Variants in HPSE2 observed in about 807,000 individuals in gnomAD.
HPSE2 encodes the protein inactive heparanase-2.
Under a neutral mutation model 60.5 loss-of-function variants are expected in HPSE2, and 38 were observed. The observed-to-expected ratio is 0.63, with a 90% CI of 0.48 to 0.82. The LOEUF (loss-of-function observed/expected upper bound fraction) is 0.82. Among genes scored for constraint, HPSE2 ranks in the 40% least tolerant of loss-of-function variants. HPSE2 has a pLI of 0.00. For synonymous variants in HPSE2, 295 were observed against 293.2 expected (o/e 1.01, Z -0.06); for missense variants, 713 against 740.4 (o/e 0.96, Z 0.43).
intron 3 of HPSE2, among the ~76,000 whole-genome samples, chr10:98,894,605 T>C (rs535962490): frequency 2.6e-5 from 4 of 151,530 alleles, no homozygotes; most frequent in East Asian, 1.9e-4. Flanking sequence ...GTCAAAGATA[T>C]AGAAAATATG....
chr10:98,665,609 C>T (rs145757912), intron 6 of HPSE2, among the ~76,000 whole-genome samples: 55 of 152,318 alleles, frequency 3.6e-4, no homozygotes, highest in African/African-American at 1.2e-3. Flanking sequence ...ACTTACAAGC[C>T]AGAAGAGATT....
chr10:98,610,174 T>C (rs1483238149), intron 9 of HPSE2, among the ~76,000 whole-genome samples: 2 of 152,122 alleles, frequency 1.3e-5, no homozygotes, highest in African/African-American at 2.4e-5. Flanking sequence ...CCAGCATCAA[T>C]GGAACATGGG....
At chr10:99,020,059 T>G (rs932162250) in intron 3 of HPSE2, among the ~76,000 whole-genome samples, 1 of 152,074 alleles carries the variant, frequency 6.6e-6, no homozygotes, top group African/African-American at 2.4e-5. Context: ...AACTTTCCCT[T>G]TATTTATATA....
At chr10:98,484,185 TTCCTTCCTTCCTTCCTTCTTTTTCTG>T (rs1941352783) in intron 10 of HPSE2, among the ~76,000 whole-genome samples, 1 of 151,968 alleles carries the variant, frequency 6.6e-6, no homozygotes, top group Non-Finnish European at 1.5e-5. Flanking sequence ...CCTTCCTTTC[TTCCTTCCTTCCTTCCTTCTTTTTCTG>T]TCCTTCCTTC....
chr10:98,872,882 A>C (rs147182171), intron 3 of HPSE2, among the ~76,000 whole-genome samples: 1 of 152,278 alleles, frequency 6.6e-6, no homozygotes, highest in East Asian at 1.9e-4. Context: ...GTATGAATAA[A>C]CTTATGAATA....
chr10:98,835,225 G>A (rs1951765423), intron 3 of HPSE2, among the ~76,000 whole-genome samples: 1 of 152,146 alleles, frequency 6.6e-6, no homozygotes, highest in African/African-American at 2.4e-5. Context: ...CAACATATTA[G>A]TAAGTACCTA....
At chr10:99,174,952 G>A (rs1037340571) in intron 2 of HPSE2, among the ~76,000 whole-genome samples, 2 of 152,182 alleles carry the variant, frequency 1.3e-5, no homozygotes, top group Non-Finnish European at 2.9e-5. Context: ...AGTGGGTGCA[G>A]CCCATGGAAG....
intron 3 of HPSE2, among the ~76,000 whole-genome samples, chr10:98,928,617 A>T (rs1954549660): frequency 8.1e-6 from 1 of 124,068 alleles, no homozygotes; most frequent in Non-Finnish European, 1.6e-5. Context: ...AGACTGGATT[A>T]AGAAAATGTG....
At chr10:99,301,270 T>G in the HPSE2 span, among the ~76,000 whole-genome samples, 1 of 152,190 alleles carries the variant, frequency 6.6e-6, no homozygotes, top group East Asian at 1.9e-4. Flanking sequence ...GGAACTACAG[T>G]AAACTAATGG....
At chr10:99,158,675 A>T (rs1181859005) in intron 2 of HPSE2, among the ~76,000 whole-genome samples, 1 of 149,446 alleles carries the variant, frequency 6.7e-6, no homozygotes, top group East Asian at 2.0e-4. Flanking sequence ...GCAGCGCACC[A>T]GCATGGCACA....
intron 11 of HPSE2, among the ~76,000 whole-genome samples, chr10:98,468,177 C>T (rs1348547230): frequency 6.6e-6 from 1 of 152,246 alleles, no homozygotes; most frequent in East Asian, 1.9e-4. Flanking sequence ...GGCTTTGCTT[C>T]CCTTTCCTGC....
At chr10:98,931,508 T>C (rs1207753713) in intron 3 of HPSE2, among the ~76,000 whole-genome samples, 1 of 144,172 alleles carries the variant, frequency 6.9e-6, no homozygotes, top group Non-Finnish European at 1.5e-5. Flanking sequence ...GTGAAGAATG[T>C]CAATGGTAGC....
At chr10:99,185,510 C>T (rs1847970379) in intron 2 of HPSE2, among the ~76,000 whole-genome samples, 1 of 152,126 alleles carries the variant, frequency 6.6e-6, no homozygotes, top group Non-Finnish European at 1.5e-5. Flanking sequence ...TGCAGTGGCT[C>T]ATGCCTGTAA....
At chr10:98,781,577 G>C (rs1950471342) in intron 3 of HPSE2, among the ~76,000 whole-genome samples, 1 of 152,032 alleles carries the variant, frequency 6.6e-6, no homozygotes, top group African/African-American at 2.4e-5. Flanking sequence ...ATTTATAAAA[G>C]AAAAAATATA....
intron 3 of HPSE2, among the ~76,000 whole-genome samples, chr10:99,107,806 C>A (rs1308644110): frequency 6.6e-6 from 1 of 152,136 alleles, no homozygotes. Context: ...CTCCCAGGTA[C>A]ACGCTCATTT....
chr10:99,217,852 T>C (rs10883299), intron 2 of HPSE2, among the ~76,000 whole-genome samples: 75,062 of 151,936 alleles, frequency 0.49, 21,717 homozygotes, highest in Non-Finnish European at 0.64. Context: ...TCACAACGTT[T>C]TGGGACTTCA....
the HPSE2 span, among the ~76,000 whole-genome samples, chr10:99,272,324 A>G: frequency 6.6e-6 from 1 of 152,198 alleles, no homozygotes; most frequent in East Asian, 1.9e-4. Flanking sequence ...ATCCATAAAA[A>G]TTCTAGAAGG....
At chr10:99,194,536 A>C (rs1423990840) in intron 2 of HPSE2, among the ~76,000 whole-genome samples, 1 of 151,704 alleles carries the variant, frequency 6.6e-6, no homozygotes, top group Non-Finnish European at 1.5e-5. Context: ...TAAAAAAAAA[A>C]CCCAAATAAA....
chr10:99,012,431 CTT>C (rs34974749), intron 3 of HPSE2, among the ~76,000 whole-genome samples: 1 of 146,432 alleles, frequency 6.8e-6, no homozygotes. Flanking sequence ...TTTCCTTTTC[CTT>C]TTTTTTTTTA....
Sources: gnomAD v4.1 joint callset for allele counts (sites outside exome capture counted in the v4.1 genomes callset) on GRCh38, gnomAD v4.1.1 for gene constraint, MANE v1.5 for transcripts, NCBI Gene and HGNC (gene_info 2026-07-23, HGNC 2026-07-21) for gene names.